The following CNKSR2 variants were observed in gnomAD, a reference collection of about 807,000 sequenced individuals.
CNKSR2 encodes the protein CNK homolog protein 2.
Under a neutral mutation model 84.4 loss-of-function variants are expected in CNKSR2, and 14 were observed. The observed-to-expected ratio is 0.17, with a 90% CI of 0.11 to 0.26. The LOEUF (loss-of-function observed/expected upper bound fraction) is 0.26. CNKSR2 is among the 10% of genes least tolerant of loss of function. The pLI is 1.00. For synonymous variants in CNKSR2, 275 were observed against 277.9 expected, an observed-to-expected ratio of 0.99 and a Z score of 0.10; for missense variants, 485 against 771.2, an observed-to-expected ratio of 0.63 and a Z score of 4.40.
intron 7 of CNKSR2, among the ~76,000 whole-genome samples, chrX:21,499,696 T>C (rs1200332179): frequency 9.0e-6 from 1 of 110,626 alleles, no homozygotes; most frequent in Non-Finnish European, 1.9e-5. Flanking sequence ...AATTAGGAGA[T>C]CTGTCTTGAG....
intron 8 of CNKSR2, among the ~76,000 whole-genome samples, chrX:21,509,960 C>T (rs2091654381): frequency 9.0e-6 from 1 of 111,323 alleles, no homozygotes; most frequent in South Asian, 3.8e-4. Context: ...CACAAAGAAA[C>T]AGAACATTAT....
At position 21,374,717 on chromosome X, in the gene CNKSR2, C is replaced by T. The variant is rs2089780081; in HGVS notation, c.-181C>T. ...CACGTTTACCTCCCTGTCGCCGTTC[C>T]TGCCGGCGGTTGGCTAAAAGACGTT... On this transcript the variant is annotated 5_prime_UTR_variant, in exon 1 of 22. Coordinates refer to ENST00000379510, the MANE Select transcript of CNKSR2 (RefSeq NM_014927.5). 3.9e-6 allele frequency: 2 copies of T among 509,669 alleles called. No homozygotes were observed. Among genetic ancestry groups the T allele is most frequent in the Admixed American group, 2.8e-5 (1 of 35,661 alleles). The allele number at this position is 509,669 out of a possible 1,213,427, so 42.0% of individuals were successfully genotyped here.
chrX:21,533,918 C>A (rs781453649), intron 11 of CNKSR2, among the ~76,000 whole-genome samples: 8 of 110,975 alleles, frequency 7.2e-5, no homozygotes, highest in Non-Finnish European at 1.5e-4. Context: ...AAACATTTAT[C>A]ACTTCTTTGT....
At chrX:21,572,653 C>G (rs973111540) in intron 13 of CNKSR2, among the ~76,000 whole-genome samples, 1 of 111,023 alleles carries the variant, frequency 9.0e-6, no homozygotes, top group Non-Finnish European at 1.9e-5. Context: ...AGGGGAAGCC[C>G]CTTATAAAGC....
At chrX:21,549,869 C>G (rs542916917) in intron 11 of CNKSR2, among the ~76,000 whole-genome samples, 1 of 112,053 alleles carries the variant, frequency 8.9e-6, no homozygotes, top group African/African-American at 3.2e-5. Context: ...TAGCCATATG[C>G]AGAAAACTGA....
chrX:21,377,056 G>A (rs2089828483), intron 1 of CNKSR2, among the ~76,000 whole-genome samples: 2 of 111,952 alleles, frequency 1.8e-5, no homozygotes, highest in Non-Finnish European at 3.8e-5. Flanking sequence ...AATGTAAGTC[G>A]AATACCTTGT....
chrX:21,637,205 G>A (rs2092676190), intron 20 of CNKSR2: 1 of 111,486 alleles, frequency 9.0e-6, no homozygotes, highest in Non-Finnish European at 1.9e-5. Context: ...TAATATAACA[G>A]TAGGTGGATT....
At chrX:21,440,982 A>G in intron 4 of CNKSR2, 1 of 311,116 alleles carries the variant, frequency 3.2e-6, no homozygotes, top group South Asian at 8.7e-5. Flanking sequence ...AAGATATAAA[A>G]GGAACCTGAC....
At chrX:21,468,905 A>C (rs750132231) in intron 4 of CNKSR2, among the ~76,000 whole-genome samples, 2 of 112,181 alleles carry the variant, frequency 1.8e-5, no homozygotes, top group Admixed American at 9.5e-5. Flanking sequence ...TAAAGCACAC[A>C]CAGCAGATTC....
chrX:21,507,011 A>G (rs1191574566), intron 8 of CNKSR2, among the ~76,000 whole-genome samples: 1 of 107,199 alleles, frequency 9.3e-6, no homozygotes, highest in African/African-American at 3.4e-5. Flanking sequence ...TCTCTTTCAT[A>G]AAAGGAAGAG....
chrX:21,602,328 G>T (rs922941824), intron 18 of CNKSR2, among the ~76,000 whole-genome samples: 2 of 110,674 alleles, frequency 1.8e-5, no homozygotes, highest in Admixed American at 1.9e-4. Context: ...TTTTATTTTT[G>T]CTTGTTGTTT....
intron 7 of CNKSR2, 138 bp downstream of exon 7, chrX:21,497,984 T>A (rs768363034): frequency 5.1e-6 from 2 of 390,463 alleles, no homozygotes; most frequent in Non-Finnish European, 4.5e-6. Context: ...AAAGAGATAC[T>A]GAGTTAGTAG....
At chrX:21,382,459 C>T (rs942678400) in intron 1 of CNKSR2, among the ~76,000 whole-genome samples, 12 of 111,215 alleles carry the variant, frequency 1.1e-4, no homozygotes, top group African/African-American at 3.9e-4. Flanking sequence ...GCATTTATTT[C>T]CCTTCATTCA....
chrX:21,487,882 C>T (rs2091401677), intron 5 of CNKSR2, among the ~76,000 whole-genome samples: 1 of 112,191 alleles, frequency 8.9e-6, no homozygotes, highest in Non-Finnish European at 1.9e-5. Flanking sequence ...ATGCCAAGCC[C>T]CTTGTTCAAA....
intron 1 of CNKSR2, among the ~76,000 whole-genome samples, chrX:21,418,416 G>C (rs752199249): frequency 8.1e-5 from 9 of 111,380 alleles, no homozygotes; most frequent in African/African-American, 2.3e-4. Flanking sequence ...ACTAGTTATT[G>C]CTCATAAATG....
chrX:21,478,827 A>G lies in CNKSR2; in HGVS notation c.561+8020A>G, dbSNP rs775096536. The stretch of plus-strand genomic sequence containing the variant: ...TAGATGACAAATTCACAAGATCATT[A>G]GAAAGCAGTATGGCCACATAAAGCG... On this transcript the variant is annotated intron_variant, in intron 5 of 21. Coordinates refer to ENST00000379510, the MANE Select transcript of CNKSR2 (RefSeq NM_014927.5). Among the ~76,000 whole-genome samples the G allele has an allele frequency of 9.8e-5, 11 of 112,155 alleles. No homozygotes were observed. The South Asian group carries it at 3.4e-3, about 34-fold the overall frequency.
intron 11 of CNKSR2, among the ~76,000 whole-genome samples, chrX:21,545,579 G>A (rs1277225343): frequency 8.9e-6 from 1 of 112,385 alleles, no homozygotes; most frequent in Non-Finnish European, 1.9e-5. Context: ...CTAAGGGACA[G>A]ACTGCCTCCT....
At chrX:21,577,498 G>T (rs552436039) in intron 13 of CNKSR2, among the ~76,000 whole-genome samples, 1 of 111,257 alleles carries the variant, frequency 9.0e-6, no homozygotes, top group Non-Finnish European at 1.9e-5. Flanking sequence ...ACTATTTGGG[G>T]ACATACCTGC....
rs767495582 is a variant in CNKSR2 at position 21,551,345 on chromosome X, C to A, written c.1304-10126C>A. On this transcript the variant is annotated intron_variant, in intron 11 of 21. Coordinates refer to ENST00000379510, the MANE Select transcript of CNKSR2 (RefSeq NM_014927.5). Reference sequence around the variant, plus strand: ...AAACCTGTGCATTCTGCACATGTATCCCAAAACTTAAAGTATAATTTAAGA... The same window carrying A: ...AAACCTGTGCATTCTGCACATGTATACCAAAACTTAAAGTATAATTTAAGA... Among the ~76,000 whole-genome samples, 9 of 112,022 alleles carry A rather than the reference C, an allele frequency of 8.0e-5. No homozygotes were observed. The East Asian group carries it at 2.3e-3, about 28-fold the overall frequency.
Sources: gnomAD v4.1 joint callset for allele counts (sites outside exome capture counted in the v4.1 genomes callset) on GRCh38, gnomAD v4.1.1 for gene constraint, MANE v1.5 for transcripts, NCBI Gene and HGNC (gene_info 2026-07-23, HGNC 2026-07-21) for gene names.